H3C6: variants seen among roughly 807,000 people sequenced by gnomAD.
H3C6 encodes H3 clustered histone 6.
Under a neutral mutation model 8.0 loss-of-function variants are expected in H3C6, and 17 were observed. The ratio of observed to expected loss-of-function variants is 2.13; its 90% CI spans 1.46 to 3.19. The LOEUF (loss-of-function observed/expected upper bound fraction) is 3.19, where lower values mean the gene tolerates loss of function less well. Ranked by LOEUF, H3C6 falls within the 30% of genes most tolerant of loss-of-function variation. The pLI, the probability that H3C6 is intolerant of heterozygous loss-of-function variation, is 0.00. For synonymous variants in H3C6, 169 were observed against 78.0 expected, an observed-to-expected ratio of 2.17 and a Z score of -6.15; for missense variants, 298 against 193.8, an observed-to-expected ratio of 1.54 and a Z score of -3.19.
At chr6:26,225,720 C>T (rs1051102838), downstream of H3C6, 3 of 983,746 alleles carry the variant, frequency 3.0e-6, no homozygotes, top group Non-Finnish European at 4.4e-6. Context: ...TCCCTCGATG[C>T]TTCATTTAAA....
downstream of H3C6, chr6:26,225,699 T>G (rs950279387): frequency 5.4e-6 from 6 of 1,110,180 alleles, no homozygotes; most frequent in Non-Finnish European, 7.7e-6. Context: ...TTTGAAATAG[T>G]GGCATTCAGT....
Position 26,225,596 on chromosome 6 carries a change from G to A in H3C6, c.*31G>A, listed in dbSNP as rs763205911. The A allele has an allele frequency of 3.6e-5, 58 of 1,592,250 alleles. No homozygotes were observed. The highest frequency in any genetic ancestry group is 4.4e-5 in the Non-Finnish European group (51 of 1,169,624). On this transcript the variant is annotated 3_prime_UTR_variant, in exon 1 of 1. Transcript: ENST00000614911. The stretch of plus-strand genomic sequence containing the variant: ...TTTGAGTACAAACCTTAAATCCAAA[G>A]GCTCTTCTCAGAGCCAACCACTTTG...
At chr6:26,225,826 G>T, downstream of H3C6, 2 of 390,506 alleles carry the variant, frequency 5.1e-6, no homozygotes, top group African/African-American at 2.1e-5. Flanking sequence ...TGCTGTTCAG[G>T]CCCTCTGCTG....
upstream of H3C6, among the ~76,000 whole-genome samples, chr6:26,224,491 C>G (rs1423534346): frequency 2.6e-5 from 4 of 152,164 alleles, no homozygotes; most frequent in African/African-American, 7.2e-5. Context: ...TTTGACGGCT[C>G]TTGCCATTAT....
rs761350558 is a variant in H3C6 at position 26,225,334 on chromosome 6, G to C, written c.180G>C (p.Glu60Asp). The C allele has an allele frequency of 2.5e-6, 4 of 1,614,258 alleles. No homozygotes were observed. The highest frequency in any genetic ancestry group is 3.3e-5 in the Admixed American group (2 of 60,034). The part of the protein sequence containing the change: ...REIRRYQKST[E>D]LLIRKLPFQR... ...TCCGTCGCTACCAGAAGTCTACCGA[G>C]CTTCTAATCCGGAAGCTGCCGTTTC... The change falls in exon 1 of 1, where the codon GAG becomes GAC. Residue 60 changes from glutamate to aspartate, a missense_variant. Coordinates refer to ENST00000614911, the MANE Select transcript of H3C6 (RefSeq NM_003532.3).
At chr6:26,225,090 G>A (rs1007780099), upstream of H3C6, 66 of 1,487,622 alleles carry the variant, frequency 4.4e-5, no homozygotes, top group African/African-American at 5.6e-4. Context: ...TCCAATCAGA[G>A]TGATTCTGTT....
downstream of H3C6, chr6:26,225,908 G>C (rs1759544518): frequency 5.2e-6 from 1 of 192,096 alleles, no homozygotes; most frequent in African/African-American, 2.4e-5. Context: ...CCATCCTCTT[G>C]TTTTCTGGCT....
upstream of H3C6, chr6:26,225,101 C>A: frequency 6.6e-7 from 1 of 1,508,650 alleles, no homozygotes; most frequent in Non-Finnish European, 8.9e-7. Flanking sequence ...TGATTCTGTT[C>A]CTATATAGAG....
At chr6:26,224,180 A>G (rs529247906), upstream of H3C6, 39 of 152,362 alleles carry the variant, frequency 2.6e-4, no homozygotes, top group East Asian at 3.7e-3. Flanking sequence ...GTTAATTCAC[A>G]ATAGTGTTAG....
chr6:26,225,258 G>C lies in H3C6; in HGVS notation c.104G>C (p.Gly35Ala). The change falls in exon 1 of 1, where the codon GGC (glycine) becomes GCC (alanine). Residue 35 changes from glycine (G) to alanine (A), a missense_variant. Transcript: ENST00000614911. ...CGCAAGAGCGCTCCGGCCACGGGCG[G>C]CGTGAAGAAGCCCCATCGCTACCGC... ...AARKSAPATGGVKKPHRYRPG... is the reference protein window; with the variant it reads ...AARKSAPATGAVKKPHRYRPG... 2 of 1,613,942 alleles carry C rather than the reference G, an allele frequency of 1.2e-6. No homozygotes were observed. The highest frequency in any genetic ancestry group is 1.7e-6 in the Non-Finnish European group (2 of 1,179,856).
At position 26,225,377 on chromosome 6, in the gene H3C6, A is replaced by G. The variant is rs1451939026; in HGVS notation, c.223A>G (p.Ile75Val). The change falls in exon 1 of 1, where the codon ATA becomes GTA. Residue 75 changes from isoleucine to valine, a missense_variant. Coordinates refer to ENST00000614911, the MANE Select transcript of H3C6 (RefSeq NM_003532.3). ...GCCGTTTCAGCGCCTGGTGCGAGAA[A>G]TAGCTCAGGACTTCAAGACCGACCT... ...KLPFQRLVREIAQDFKTDLRF... is the reference protein window; with the variant it reads ...KLPFQRLVREVAQDFKTDLRF... 1.2e-6 allele frequency: 2 copies of G among 1,614,262 alleles called. No homozygotes were observed. Among genetic ancestry groups the G allele is most frequent in the Non-Finnish European group, 8.5e-7 (1 of 1,180,048 alleles).
At chr6:26,224,587 G>C (rs1236760114), upstream of H3C6, among the ~76,000 whole-genome samples, 1 of 152,180 alleles carries the variant, frequency 6.6e-6, no homozygotes, top group Non-Finnish European at 1.5e-5. Flanking sequence ...AGGGATTCCA[G>C]GATATTAGAA....
Position 26,225,324 on chromosome 6 carries a change from A to AGTCT in H3C6, c.171_174dup (p.Thr59ValfsTer66). On this transcript the variant is annotated frameshift_variant, in exon 1 of 1. Transcript: ENST00000614911. LOFTEE classifies it high-confidence loss of function. ...CTGCGCGAGATCCGTCGCTACCAGAAGTCTACCGAGCTTCTAATCCGGAAG... is the reference window on the plus strand; with the variant it reads ...CTGCGCGAGATCCGTCGCTACCAGAAGTCTGTCTACCGAGCTTCTAATCCGGAAG... 1 of 1,614,240 alleles carries AGTCT rather than the reference A, an allele frequency of 6.2e-7. No homozygotes were observed. The highest frequency in any genetic ancestry group is 2.2e-5 in the East Asian group (1 of 44,882).
rs200762279 is a variant in H3C6, at chr6:26,225,469, C to T, written c.315C>T (p.Phe105=). ...GCGAGGCCTACTTGGTGGGGCTTTT[C>T]GAGGACACCAACCTGTGCGCTATTC... is the stretch of plus-strand genomic sequence containing the variant. ...EACEAYLVGL[F]EDTNLCAIHA... The change falls in exon 1 of 1, where the codon TTC becomes TTT. Residue 105 remains phenylalanine, a synonymous_variant. Transcript: ENST00000614911. 6.8e-6 allele frequency: 11 copies of T among 1,614,236 alleles called. 1 individual carries two copies. The East Asian group carries it at 2.2e-4, about 33-fold the overall frequency.
downstream of H3C6, chr6:26,227,064 T>C (rs908846541): frequency 6.6e-6 from 1 of 152,188 alleles, no homozygotes; most frequent in African/African-American, 2.4e-5. Flanking sequence ...TGGAGATTTA[T>C]GGAAGAAATT....
At chr6:26,225,678 C>T (rs2113568051), downstream of H3C6, 3 of 1,238,290 alleles carry the variant, frequency 2.4e-6, no homozygotes, top group East Asian at 4.7e-5. Context: ...CTGCACTGAT[C>T]CAAATAGACA....
In H3C6 at chr6:26,225,139, A is replaced by G. The variant is rs778621320; in HGVS notation, c.-16A>G. The stretch of plus-strand genomic sequence containing the variant: ...GCAAACCAATCTTCCTAACTCATTT[A>G]CTTTGCAGATGAACTATGGCGCGTA... On this transcript the variant is annotated 5_prime_UTR_variant, in exon 1 of 1. Coordinates refer to ENST00000614911, the MANE Select transcript of H3C6 (RefSeq NM_003532.3). 5.2e-6 allele frequency: 8 copies of G among 1,532,104 alleles called. No homozygotes were observed. Among genetic ancestry groups the G allele is most frequent in the African/African-American group, 2.8e-5 (2 of 72,030 alleles). 94.9% of individuals were successfully genotyped at this position (1,532,104 alleles called of 1,614,324 possible).
At chr6:26,225,018 C>G (rs1340831281), upstream of H3C6, 3 of 916,506 alleles carry the variant, frequency 3.3e-6, no homozygotes, top group Admixed American at 2.7e-5. Context: ...ATAAACCAAT[C>G]GTGAATCTCT....
chr6:26,225,558 G>A lies in H3C6; in HGVS notation c.404G>A (p.Arg135Lys). 4 of 1,612,840 alleles carry A rather than the reference G, an allele frequency of 2.5e-6. No homozygotes were observed. Among genetic ancestry groups the A allele is most frequent in the South Asian group, 1.1e-5 (1 of 91,024 alleles). Residue 135 changes from arginine (R) to lysine (K), a missense_variant, in exon 1 of 1, where the codon AGG becomes AAG. Physicochemically the swap from Arg to Lys is conservative, Grantham distance 26. Transcript: ENST00000614911. ...IQLARRIRGE[R>K]A is the part of the protein sequence containing the mutation. ...CTTGCCCGCCGCATTCGTGGGGAGA[G>A]GGCGTGAATTGTTTTGAGTACAAAC...
Sources: allele counts gnomAD v4.1 joint callset (sites outside exome capture counted in the v4.1 genomes callset), GRCh38; gene constraint gnomAD v4.1.1; transcripts MANE v1.5; gene names NCBI Gene and HGNC (gene_info 2026-07-23, HGNC 2026-07-21).